Variants in ABTB3 observed in about 807,000 individuals in gnomAD.
The protein encoded by ABTB3 is ankyrin repeat- and BTB/POZ domain-containing protein 3.
the ABTB3 span, among the ~76,000 whole-genome samples, chr12:107,363,074 C>T: frequency 1.3e-5 from 2 of 152,178 alleles, no homozygotes; most frequent in Non-Finnish European, 2.9e-5. Context: ...AGGGTGATAA[C>T]CCTTAAACTT....
the ABTB3 span, among the ~76,000 whole-genome samples, chr12:107,528,130 G>T: frequency 6.6e-6 from 1 of 152,160 alleles, no homozygotes; most frequent in Non-Finnish European, 1.5e-5. Context: ...TGGAATTTGT[G>T]ACTCTTTGTC....
At chr12:107,388,650 T>C in the ABTB3 span, among the ~76,000 whole-genome samples, 1 of 152,010 alleles carries the variant, frequency 6.6e-6, no homozygotes, top group African/African-American at 2.4e-5. Context: ...CCAGCCATCC[T>C]GGAGCCCTTG....
chr12:107,657,729 G>A, the ABTB3 span: 2 of 1,613,140 alleles, frequency 1.2e-6, no homozygotes, highest in South Asian at 2.2e-5. Context: ...AACGCCTAGT[G>A]CAGGGAATGC....
chr12:107,445,052 T>TC, the ABTB3 span, among the ~76,000 whole-genome samples: 1 of 152,126 alleles, frequency 6.6e-6, no homozygotes, highest in Non-Finnish European at 1.5e-5. Flanking sequence ...ATCGTGGCTC[T>TC]CCCCCCAGCC....
chr12:107,471,635 A>G, the ABTB3 span, among the ~76,000 whole-genome samples: 1 of 152,178 alleles, frequency 6.6e-6, no homozygotes, highest in African/African-American at 2.4e-5. Flanking sequence ...TTTACAAATG[A>G]GGAGCATTAC....
the ABTB3 span, among the ~76,000 whole-genome samples, chr12:107,419,644 C>A: frequency 4.6e-5 from 7 of 152,130 alleles, no homozygotes. Context: ...TGGCTTCTCA[C>A]CTATAAAATA....
chr12:107,331,489 G>A, the ABTB3 span, among the ~76,000 whole-genome samples: 3 of 152,204 alleles, frequency 2.0e-5, no homozygotes, highest in Admixed American at 2.0e-4. Context: ...GCAAGGAGGG[G>A]AGCTGCCCCT....
the ABTB3 span, among the ~76,000 whole-genome samples, chr12:107,483,188 C>T: frequency 6.6e-6 from 1 of 151,836 alleles, no homozygotes; most frequent in African/African-American, 2.4e-5. Flanking sequence ...CCATCACGCC[C>T]CACTAATTTT....
chr12:107,480,701 G>A, the ABTB3 span, among the ~76,000 whole-genome samples: 10 of 152,076 alleles, frequency 6.6e-5, no homozygotes, highest in South Asian at 1.4e-3. Context: ...TATGCAGAAC[G>A]ATGTGTGTGT....
the ABTB3 span, among the ~76,000 whole-genome samples, chr12:107,639,272 C>T: frequency 6.6e-6 from 1 of 152,194 alleles, no homozygotes; most frequent in Non-Finnish European, 1.5e-5. Context: ...AGCCCAGTCA[C>T]AAGTGGCCTC....
chr12:107,482,831 C>T, the ABTB3 span, among the ~76,000 whole-genome samples: 2 of 147,470 alleles, frequency 1.4e-5, no homozygotes, highest in African/African-American at 2.5e-5. Flanking sequence ...CTTTCTTTTT[C>T]TTTCTTTCTT....
chr12:107,482,940 CTTTCTTTCTTTCTTTCTT>C, the ABTB3 span, among the ~76,000 whole-genome samples: 1 of 20,760 alleles, frequency 4.8e-5, no homozygotes, highest in African/African-American at 1.8e-4. Flanking sequence ...TTCTTTCTTT[CTTTCTTTCTTTCTTTCTT>C]TCTTTCTTTC....
chr12:107,590,003 G>A, the ABTB3 span, among the ~76,000 whole-genome samples: 2 of 152,168 alleles, frequency 1.3e-5, no homozygotes, highest in Non-Finnish European at 2.9e-5. Flanking sequence ...TCCACCTCCT[G>A]GGTTCAAGCA....
chr12:107,580,696 G>A, the ABTB3 span: 1 of 773,950 alleles, frequency 1.3e-6, no homozygotes, highest in South Asian at 2.1e-5. Context: ...GATGGGAAGG[G>A]AGTGCTAGCG....
At chr12:107,581,390 G>A in the ABTB3 span, 1 of 1,159,466 alleles carries the variant, frequency 8.6e-7, no homozygotes, top group Non-Finnish European at 1.1e-6. Flanking sequence ...GCCCCGCTGG[G>A]CGGCCTGAGC....
the ABTB3 span, among the ~76,000 whole-genome samples, chr12:107,347,977 G>A: frequency 6.6e-6 from 1 of 152,076 alleles, no homozygotes; most frequent in South Asian, 2.1e-4. Context: ...AGTGGGCTGG[G>A]GTGGGGAGAA....
chr12:107,543,355 A>AAAT, the ABTB3 span, among the ~76,000 whole-genome samples: 1 of 151,688 alleles, frequency 6.6e-6, no homozygotes, highest in Non-Finnish European at 1.5e-5. Context: ...AAAAAAAAAA[A>AAAT]AAAGGAAAAA....
At chr12:107,351,144 G>C in the ABTB3 span, among the ~76,000 whole-genome samples, 1 of 152,232 alleles carries the variant, frequency 6.6e-6, no homozygotes, top group African/African-American at 2.4e-5. Context: ...TAATTGATTA[G>C]TTAGTGCCAG....
At chr12:107,541,987 C>A in the ABTB3 span, among the ~76,000 whole-genome samples, 1 of 152,026 alleles carries the variant, frequency 6.6e-6, no homozygotes, top group Non-Finnish European at 1.5e-5. Flanking sequence ...CAACTGGGCA[C>A]CATAGCCTGG....
Sources: gnomAD v4.1 joint callset for allele counts (sites outside exome capture counted in the v4.1 genomes callset) on GRCh38, gnomAD v4.1.1 for gene constraint, MANE v1.5 for transcripts, NCBI Gene and HGNC (gene_info 2026-07-23, HGNC 2026-07-21) for gene names.